Variants in TMEM106B observed in about 807,000 individuals in gnomAD.
TMEM106B encodes transmembrane protein 106B.
In TMEM106B, 15 loss-of-function variants were observed where a neutral mutation model predicts 31.1. The observed-to-expected ratio is 0.48, with a 90% confidence interval of 0.32 to 0.74. TMEM106B has a LOEUF of 0.74. TMEM106B is among the 30% of genes least tolerant of loss of function. TMEM106B has a pLI of 0.03. For missense variants in TMEM106B, 283 were observed against 327.3 expected (o/e 0.86, Z 1.04); for synonymous variants, 126 against 112.5 (o/e 1.12, Z -0.76).
chr7:12,239,721 G>A lies in TMEM106B; in HGVS notation c.*7746G>A, dbSNP rs1215602345. 6.6e-6 allele frequency: 1 copy of A among 152,088 alleles called. No homozygotes were observed. Among genetic ancestry groups the A allele is most frequent in the Admixed American group, 6.6e-5 (1 of 15,260 alleles). The allele number at this position is 152,088 out of a possible 1,614,324, so 9.4% of individuals were successfully genotyped here. On this transcript the variant is annotated 3_prime_UTR_variant, in exon 8 of 8. Transcript: ENST00000396668. ...GAGGGATGTGGGAACAGCTGGTTAG[G>A]AGAGCAGTCCGAACACACACTTTTT...
rs1455523533 is a variant in TMEM106B, at chr7:12,233,491, C to A, written c.*1516C>A. On this transcript the variant is annotated 3_prime_UTR_variant, in exon 8 of 8. Coordinates refer to ENST00000396668, the MANE Select transcript of TMEM106B (RefSeq NM_001134232.2). ...ATTTAATTCTGCCTTTAAACACACTCAGGTTTCCCCTTAATTTTCATATTA... is the reference window on the plus strand; with the variant it reads ...ATTTAATTCTGCCTTTAAACACACTAAGGTTTCCCCTTAATTTTCATATTA... 1.3e-5 allele frequency: 2 copies of A among 151,482 alleles called. No homozygotes were observed. The highest frequency in any genetic ancestry group is 3.0e-5 in the Non-Finnish European group (2 of 67,662). 9.4% of individuals were successfully genotyped at this position (151,482 alleles called of 1,614,324 possible). A position where few individuals can be genotyped will look rare whatever the true frequency, so the allele number is the denominator to read the frequency against.
chr7:12,232,028 T>C lies in TMEM106B; in HGVS notation c.*53T>C. 9.1e-6 allele frequency: 14 copies of C among 1,546,828 alleles called. No individual in the cohort carries two copies. Among genetic ancestry groups the C allele is most frequent in the South Asian group, 1.2e-5 (1 of 84,346 alleles). ...AAATATCTATTGATATTTCCTATAC[T>C]CTCAATGAAGAGGTATTTCCTAATA... On this transcript the variant is annotated 3_prime_UTR_variant, in exon 8 of 8. Transcript: ENST00000396668.
At chr7:12,223,429 C>T (rs1449035913) in intron 3 of TMEM106B, among the ~76,000 whole-genome samples, 1 of 152,048 alleles carries the variant, frequency 6.6e-6, no homozygotes, top group Non-Finnish European at 1.5e-5. Context: ...TACCCATCAA[C>T]CCATCCCCTA....
rs564964192 is a variant in TMEM106B at position 12,236,171 on chromosome 7, A to G, written c.*4196A>G. On this transcript the variant is annotated 3_prime_UTR_variant, in exon 8 of 8. Coordinates refer to ENST00000396668, the MANE Select transcript of TMEM106B (RefSeq NM_001134232.2). ...AAGTGAGATTTTCACTTGTCAGCTT[A>G]AATTTCTGACTAGAACTAACATTTG... 1 of 151,918 alleles carries G rather than the reference A, an allele frequency of 6.6e-6. No homozygotes were observed. The highest frequency in any genetic ancestry group is 1.5e-5 in the Non-Finnish European group (1 of 67,848). 9.4% of individuals were successfully genotyped at this position (151,918 alleles called of 1,614,324 possible).
chr7:12,212,690 C>G (rs1052031920), intron 1 of TMEM106B, among the ~76,000 whole-genome samples: 2 of 152,046 alleles, frequency 1.3e-5, no homozygotes, highest in African/African-American at 4.8e-5. Context: ...TACACAACAT[C>G]CTGGTGAAGT....
At chr7:12,220,924 G>A (rs1317301406) in intron 3 of TMEM106B, among the ~76,000 whole-genome samples, 1 of 152,134 alleles carries the variant, frequency 6.6e-6, no homozygotes, top group Non-Finnish European at 1.5e-5. Flanking sequence ...TTTTACCACA[G>A]TGTGATATTG....
rs1030169270 is a variant in TMEM106B, at chr7:12,238,822, A to C, written c.*6847A>C. ...ATATTCAGTGAACCGTGTTGTAAAC[A>C]GATGTCATATTATCCAGACTGTTCC... is the stretch of plus-strand genomic sequence containing the variant. On this transcript the variant is annotated 3_prime_UTR_variant, in exon 8 of 8. Transcript: ENST00000396668. 8 of 152,194 alleles carry C rather than the reference A, an allele frequency of 5.3e-5. No homozygotes were observed. Among genetic ancestry groups the C allele is most frequent in the Non-Finnish European group, 1.0e-4 (7 of 68,034 alleles). 9.4% of individuals were successfully genotyped at this position (152,194 alleles called of 1,614,324 possible).
In TMEM106B at chr7:12,241,911, G is replaced by C. The variant is rs1782243211; in HGVS notation, c.*9936G>C. 6.6e-6 allele frequency: 1 copy of C among 152,116 alleles called. No homozygotes were observed. The highest frequency in any genetic ancestry group is 2.1e-4 in the South Asian group (1 of 4,828). The allele number at this position is 152,116 out of a possible 1,614,324, so 9.4% of individuals were successfully genotyped here. On this transcript the variant is annotated 3_prime_UTR_variant, in exon 8 of 8. Transcript: ENST00000396668. ...TTTCTCTACATTCTCTCCAGCATCTGTTGTTTCCTGACTTAATGATTGCCA... is the reference window on the plus strand; with the variant it reads ...TTTCTCTACATTCTCTCCAGCATCTCTTGTTTCCTGACTTAATGATTGCCA...
intron 4 of TMEM106B, among the ~76,000 whole-genome samples, chr7:12,229,055 G>A (rs1426792286): frequency 3.3e-5 from 5 of 151,754 alleles, no homozygotes; most frequent in Non-Finnish European, 7.4e-5. Context: ...TAGTGTCTAT[G>A]GATTTTGTTT....
At chr7:12,213,058 G>T (rs1018144057) in intron 1 of TMEM106B, among the ~76,000 whole-genome samples, 2 of 152,034 alleles carry the variant, frequency 1.3e-5, no homozygotes, top group Admixed American at 1.3e-4. Flanking sequence ...GCTTTAAAAG[G>T]GTATGACCTT....
chr7:12,226,438 G>A (rs897187730), intron 4 of TMEM106B, among the ~76,000 whole-genome samples: 3 of 152,112 alleles, frequency 2.0e-5, no homozygotes, highest in African/African-American at 7.2e-5. Context: ...ACATGTTAAC[G>A]TTTGTTTGAA....
chr7:12,219,672 TC>T (rs1178353012), intron 3 of TMEM106B, among the ~76,000 whole-genome samples: 18 of 152,144 alleles, frequency 1.2e-4, no homozygotes, highest in Non-Finnish European at 1.9e-4. Flanking sequence ...TTTACAGACC[TC>T]TGGAAAGAAT....
chr7:12,224,483 A>G, intron 4 of TMEM106B, 98 bp downstream of exon 4: 1 of 988,208 alleles, frequency 1.0e-6, no homozygotes, highest in Admixed American at 2.4e-5. Context: ...GTTAAATGTG[A>G]CACTGGTCAG....
intron 5 of TMEM106B, among the ~76,000 whole-genome samples, chr7:12,230,132 C>T (rs1191667164): frequency 6.6e-6 from 1 of 151,920 alleles, no homozygotes; most frequent in African/African-American, 2.4e-5. Flanking sequence ...GTGGGAGGAT[C>T]ACTGGAGCCC....
At chr7:12,225,784 A>C in intron 4 of TMEM106B, among the ~76,000 whole-genome samples, 1 of 151,944 alleles carries the variant, frequency 6.6e-6, no homozygotes, top group East Asian at 1.9e-4. Context: ...AGATAGCAAA[A>C]ATTTTCTCCC....
At position 12,240,427 on chromosome 7, in the gene TMEM106B, T is replaced by A. The variant is rs530488948; in HGVS notation, c.*8452T>A. 6.6e-6 allele frequency: 1 copy of A among 152,306 alleles called. No homozygotes were observed. Among genetic ancestry groups the A allele is most frequent in the Admixed American group, 6.5e-5 (1 of 15,296 alleles). The allele number at this position is 152,306 out of a possible 1,614,324, so 9.4% of individuals were successfully genotyped here. A position where few individuals can be genotyped will look rare whatever the true frequency, so the allele number is the denominator to read the frequency against. ...TGAGCCAAGTTTTTTTGTTTTAAAC[T>A]TGTTTTAAACTTTTGTTTTCATCAA... On this transcript the variant is annotated 3_prime_UTR_variant, in exon 8 of 8. Transcript: ENST00000396668.
Position 12,235,591 on chromosome 7 carries a change from C to T in TMEM106B, c.*3616C>T, listed in dbSNP as rs1046537015. The T allele has an allele frequency of 6.6e-6, 1 of 151,944 alleles. No individual in the cohort carries two copies. Among genetic ancestry groups the T allele is most frequent in the Admixed American group, 6.6e-5 (1 of 15,232 alleles). The allele number at this position is 151,944 out of a possible 1,614,324, so 9.4% of individuals were successfully genotyped here. A position where few individuals can be genotyped will look rare whatever the true frequency, so the allele number is the denominator to read the frequency against. On this transcript the variant is annotated 3_prime_UTR_variant, in exon 8 of 8. Coordinates refer to ENST00000396668, the MANE Select transcript of TMEM106B (RefSeq NM_001134232.2). ...TGAAACTTCAGCCTAATAAATCCTT[C>T]ATGGTTCTTAGCCTTATTATTGTGA...
Position 12,236,334 on chromosome 7 carries a change from T to C in TMEM106B, c.*4359T>C, listed in dbSNP as rs1782134133. The C allele has an allele frequency of 6.6e-6, 1 of 151,918 alleles. No homozygotes were observed. The highest frequency in any genetic ancestry group is 2.4e-5 in the African/African-American group (1 of 41,420). The allele number at this position is 151,918 out of a possible 1,614,324, so 9.4% of individuals were successfully genotyped here. The stretch of plus-strand genomic sequence containing the variant: ...TCCATTTTTAAAAGTAATTTGGTTG[T>C]GTTTATAGTTATTTGTACAAGTATT... On this transcript the variant is annotated 3_prime_UTR_variant, in exon 8 of 8. Coordinates refer to ENST00000396668, the MANE Select transcript of TMEM106B (RefSeq NM_001134232.2).
intron 3 of TMEM106B, among the ~76,000 whole-genome samples, chr7:12,223,366 G>C (rs184881568): frequency 4.1e-5 from 6 of 146,774 alleles, no homozygotes; most frequent in African/African-American, 1.5e-4. Flanking sequence ...TTAAAAATAT[G>C]GAGGATGTGC....
Sources: gnomAD v4.1 joint callset for allele counts (sites outside exome capture counted in the v4.1 genomes callset) on GRCh38, gnomAD v4.1.1 for gene constraint, MANE v1.5 for transcripts, NCBI Gene and HGNC (gene_info 2026-07-23, HGNC 2026-07-21) for gene names.